CAMK1D: variants seen among roughly 807,000 people sequenced by gnomAD.
CAMK1D encodes the protein calcium/calmodulin-dependent protein kinase type 1D.
A neutral mutation model predicts 47.7 loss-of-function variants in CAMK1D; 9 were observed. That is an observed-to-expected ratio of 0.19 (90% CI 0.11 to 0.33). The LOEUF is 0.33. Ranked by LOEUF, CAMK1D falls within the 10% of genes least tolerant of loss-of-function variation. The pLI, the probability that CAMK1D is intolerant of heterozygous loss-of-function variation, is 1.00. For synonymous variants in CAMK1D, 184 were observed against 184.9 expected (o/e 0.99, Z 0.04); for missense variants, 291 against 488.7 (o/e 0.60, Z 3.81).
intron 10 of CAMK1D, chr10:12,826,182 A>G (rs574810429): frequency 6.4e-6 from 1 of 156,128 alleles, no homozygotes; most frequent in African/African-American, 2.4e-5. Flanking sequence ...AACCCTAGGT[A>G]TTGCTATTTC....
intron 1 of CAMK1D, among the ~76,000 whole-genome samples, chr10:12,454,970 CCGGCCGGCT>C (rs1461925279): frequency 1.4e-4 from 22 of 152,308 alleles, no homozygotes; most frequent in African/African-American, 4.1e-4. Context: ...TGTGAGCAGG[CCGGCCGGCT>C]GGCCGAGTAC....
chr10:12,765,608 T>C (rs1173986005), intron 4 of CAMK1D, among the ~76,000 whole-genome samples: 1 of 152,230 alleles, frequency 6.6e-6, no homozygotes, highest in Non-Finnish European at 1.5e-5. Flanking sequence ...AGATCCCTAA[T>C]GCCTTTGAAG....
intron 10 of CAMK1D, among the ~76,000 whole-genome samples, chr10:12,826,579 T>G (rs1389378981): frequency 6.6e-6 from 1 of 152,074 alleles, no homozygotes; most frequent in African/African-American, 2.4e-5. Context: ...TTCCCATGGG[T>G]CCTCTCCACA....
chr10:12,474,638 G>A (rs1833849219), intron 1 of CAMK1D, among the ~76,000 whole-genome samples: 1 of 152,104 alleles, frequency 6.6e-6, no homozygotes, highest in East Asian at 1.9e-4. Flanking sequence ...GTACAGGTTT[G>A]TTATATAGGT....
At chr10:12,421,870 G>C (rs560993609) in intron 1 of CAMK1D, among the ~76,000 whole-genome samples, 1 of 150,602 alleles carries the variant, frequency 6.6e-6, no homozygotes, top group African/African-American at 2.4e-5. Context: ...AGGCTGGAGT[G>C]CAATGGCTTG....
At chr10:12,822,729 G>T (rs146732123) in intron 8 of CAMK1D, among the ~76,000 whole-genome samples, 246 of 152,330 alleles carry the variant, frequency 1.6e-3, no homozygotes, top group Admixed American at 3.9e-3. Flanking sequence ...TTTTCAACAG[G>T]GTCCAGGAGG....
chr10:12,605,878 C>A (rs1838443764), intron 2 of CAMK1D, among the ~76,000 whole-genome samples: 1 of 152,156 alleles, frequency 6.6e-6, no homozygotes, highest in African/African-American at 2.4e-5. Flanking sequence ...GCCTGTGGAG[C>A]CTGTTGCCCC....
Position 12,565,442 on chromosome 10 carries a change from C to T in CAMK1D, c.224+12086C>T, listed in dbSNP as rs535904017. ...CTAGTTTTTGTATTTTTAGTAGAGA[C>T]GGGGTTTCACCATGTTGGCCAGGCT... On this transcript the variant is annotated intron_variant, in intron 2 of 10. Coordinates refer to ENST00000619168, the MANE Select transcript of CAMK1D (RefSeq NM_153498.4). 3.3e-5 allele frequency among the ~76,000 whole-genome samples: 5 copies of T among 152,140 alleles called. No individual in the cohort carries two copies. In the East Asian group the frequency reaches 5.8e-4, roughly 18 times the overall value.
chr10:12,368,762 A>G (rs938884243), intron 1 of CAMK1D, among the ~76,000 whole-genome samples: 2 of 151,926 alleles, frequency 1.3e-5, no homozygotes, highest in East Asian at 3.9e-4. Context: ...AAAAAAAGAA[A>G]GAGTATAACA....
intron 2 of CAMK1D, among the ~76,000 whole-genome samples, chr10:12,556,929 T>C (rs1836780274): frequency 6.6e-6 from 1 of 151,466 alleles, no homozygotes; most frequent in Non-Finnish European, 1.5e-5. Flanking sequence ...AGCTCTGGAG[T>C]TGGGATGGAA....
chr10:12,583,632 T>G (rs1030466108), intron 2 of CAMK1D, among the ~76,000 whole-genome samples: 7 of 147,134 alleles, frequency 4.8e-5, no homozygotes, highest in Admixed American at 2.9e-4. Flanking sequence ...AGATGGAGTC[T>G]CTCTCTGTCA....
At chr10:12,727,794 C>G (rs373771735) in intron 3 of CAMK1D, among the ~76,000 whole-genome samples, 1 of 144,156 alleles carries the variant, frequency 6.9e-6, no homozygotes, top group Admixed American at 7.2e-5. Context: ...GACTGAGTCT[C>G]GCTCTGTCAC....
intron 1 of CAMK1D, among the ~76,000 whole-genome samples, chr10:12,505,521 T>A (rs929257244): frequency 1.3e-5 from 2 of 152,112 alleles, no homozygotes; most frequent in Non-Finnish European, 2.9e-5. Flanking sequence ...TTCTGGAGGG[T>A]TCTTTCCTGG....
At chr10:12,623,041 TTCCCTCCC>T (rs147604377) in intron 2 of CAMK1D, among the ~76,000 whole-genome samples, 172 of 103,904 alleles carry the variant, frequency 1.7e-3, no homozygotes, top group African/African-American at 7.2e-3. Flanking sequence ...CCCTTCGCCC[TTCCCTCCC>T]TCCCTCCCTC....
At chr10:12,604,931 A>G (rs1481637777) in intron 2 of CAMK1D, among the ~76,000 whole-genome samples, 2 of 148,758 alleles carry the variant, frequency 1.3e-5, no homozygotes, top group East Asian at 2.0e-4. Context: ...TCTGTCGCCC[A>G]GGCTGGAGTG....
intron 3 of CAMK1D, among the ~76,000 whole-genome samples, chr10:12,682,921 G>A (rs541693568): frequency 9.0e-4 from 136 of 151,112 alleles, no homozygotes; most frequent in Non-Finnish European, 1.6e-3. Flanking sequence ...TAGTGATTAA[G>A]TAAGATTCTT....
intron 3 of CAMK1D, among the ~76,000 whole-genome samples, chr10:12,738,531 C>A (rs766526222): frequency 4.6e-5 from 7 of 152,120 alleles, no homozygotes; most frequent in Non-Finnish European, 1.0e-4. Context: ...GGGAATATAT[C>A]ATTAAAAATA....
At chr10:12,431,579 A>C (rs988157183) in intron 1 of CAMK1D, among the ~76,000 whole-genome samples, 4 of 152,146 alleles carry the variant, frequency 2.6e-5, no homozygotes, top group African/African-American at 7.2e-5. Flanking sequence ...ATCCAGGGAG[A>C]TCCTTCAGAG....
At chr10:12,726,791 A>G (rs12251549) in intron 3 of CAMK1D, among the ~76,000 whole-genome samples, 3,442 of 152,360 alleles carry the variant, frequency 0.023, 83 homozygotes, top group African/African-American at 0.06. Flanking sequence ...AACCTTACCT[A>G]CTATGACTGT....
Sources: allele counts gnomAD v4.1 joint callset (sites outside exome capture counted in the v4.1 genomes callset), GRCh38; gene constraint gnomAD v4.1.1; transcripts MANE v1.5; gene names NCBI Gene and HGNC (gene_info 2026-07-23, HGNC 2026-07-21).